Variants in RFX3 observed in about 807,000 individuals in gnomAD.
RFX3 encodes transcription factor RFX3.
A neutral mutation model predicts 98.6 loss-of-function variants in RFX3; 14 were observed. That is an observed-to-expected ratio of 0.14 (90% CI 0.09 to 0.22). The LOEUF (loss-of-function observed/expected upper bound fraction) is 0.22. Ranked by LOEUF, RFX3 falls within the 10% of genes least tolerant of loss-of-function variation. RFX3 has a pLI of 1.00. For synonymous variants in RFX3, 383 were observed against 328.4 expected, an observed-to-expected ratio of 1.17 and a Z score of -1.80; for missense variants, 639 against 926.9, an observed-to-expected ratio of 0.69 and a Z score of 4.03.
At chr9:3,243,490 A>G (rs974648637) in intron 15 of RFX3, among the ~76,000 whole-genome samples, 2 of 152,202 alleles carry the variant, frequency 1.3e-5, no homozygotes, top group African/African-American at 2.4e-5. Context: ...CAAAACACCA[A>G]CAACATTTAT....
At chr9:3,350,822 A>G (rs141577847) in intron 2 of RFX3, among the ~76,000 whole-genome samples, 145 of 152,270 alleles carry the variant, frequency 9.5e-4, no homozygotes, top group South Asian at 6.2e-3. Flanking sequence ...GCGTATGACC[A>G]AGTGAAAGAA....
intron 9 of RFX3, among the ~76,000 whole-genome samples, chr9:3,272,507 T>G (rs1233589057): frequency 6.6e-6 from 1 of 152,160 alleles, no homozygotes; most frequent in Admixed American, 6.6e-5. Context: ...GGAGACAAAT[T>G]AATTTAGACA....
chr9:3,497,441 C>CA (rs1203910038), intron 1 of RFX3, among the ~76,000 whole-genome samples: 1 of 151,890 alleles, frequency 6.6e-6, no homozygotes, highest in Non-Finnish European at 1.5e-5. Context: ...GTGAAACTTC[C>CA]AAAAATTAGA....
At chr9:3,419,675 C>G (rs541818941) in intron 1 of RFX3, among the ~76,000 whole-genome samples, 3 of 152,238 alleles carry the variant, frequency 2.0e-5, no homozygotes, top group Admixed American at 2.0e-4. Context: ...TTCCAGGATC[C>G]CCTGAGGATA....
At chr9:3,249,332 C>T (rs1821085978) in intron 14 of RFX3, among the ~76,000 whole-genome samples, 1 of 152,130 alleles carries the variant, frequency 6.6e-6, no homozygotes, top group South Asian at 2.1e-4. Context: ...CCATCTGAAA[C>T]ACAGAAGCCT....
At chr9:3,229,167 C>T (rs1327554118) in intron 15 of RFX3, among the ~76,000 whole-genome samples, 1 of 152,134 alleles carries the variant, frequency 6.6e-6, no homozygotes, top group Non-Finnish European at 1.5e-5. Context: ...TATTTCAACT[C>T]AGCAATGAAG....
intron 13 of RFX3, among the ~76,000 whole-genome samples, chr9:3,261,135 A>C (rs1007097402): frequency 1.3e-5 from 2 of 152,062 alleles, no homozygotes; most frequent in Admixed American, 6.6e-5. Flanking sequence ...TAACAGCTTT[A>C]CTGAAATGTA....
At chr9:3,371,696 A>C (rs150332633) in intron 2 of RFX3, among the ~76,000 whole-genome samples, 11 of 152,306 alleles carry the variant, frequency 7.2e-5, no homozygotes, top group African/African-American at 2.2e-4. Context: ...ATAAATTACT[A>C]AATGATTGAG....
At chr9:3,365,484 A>C (rs987368192) in intron 2 of RFX3, among the ~76,000 whole-genome samples, 4 of 152,178 alleles carry the variant, frequency 2.6e-5, no homozygotes, top group African/African-American at 9.7e-5. Context: ...TGCATGAATT[A>C]AAACAAAAAT....
At chr9:3,307,210 T>G (rs777054378) in intron 4 of RFX3, among the ~76,000 whole-genome samples, 3 of 152,072 alleles carry the variant, frequency 2.0e-5, no homozygotes, top group Non-Finnish European at 4.4e-5. Context: ...CCCAGTCTCG[T>G]GTATGTCTTT....
intron 2 of RFX3, among the ~76,000 whole-genome samples, chr9:3,356,154 G>GAGGAAGGAAGGA (rs1835725058): frequency 2.1e-5 from 2 of 94,058 alleles, no homozygotes; most frequent in African/African-American, 1.4e-4. Flanking sequence ...TCTAGAATAA[G>GAGGAAGGAAGGA]TGGAAGGAAG....
chr9:3,428,932 A>G (rs777001724), intron 1 of RFX3, among the ~76,000 whole-genome samples: 1 of 152,274 alleles, frequency 6.6e-6, no homozygotes, highest in South Asian at 2.1e-4. Context: ...CATTAGGCAC[A>G]GTGCCAAGGG....
intron 1 of RFX3, among the ~76,000 whole-genome samples, chr9:3,487,875 C>T (rs2133454650): frequency 6.6e-6 from 1 of 152,220 alleles, no homozygotes; most frequent in African/African-American, 2.4e-5. Context: ...CTTGACCTTT[C>T]TATCTCAAGT....
chr9:3,248,104 T>C lies in RFX3; in HGVS notation c.1896A>G (p.Glu632=). The C allele has an allele frequency of 6.2e-7, 1 of 1,613,996 alleles. No homozygotes were observed. The highest frequency in any genetic ancestry group is 1.1e-5 in the South Asian group (1 of 91,084). ...GATGTTCTACTAAGTAAAACATATA[T>C]TCGTCGTAGAGTAGACGGATCAGGT... ...SFHLIRLLYD[E]YMFYLVEHRV... Residue 632 remains glutamate (E), a synonymous_variant, in exon 15 of 17, where the codon GAA becomes GAG. Coordinates refer to ENST00000617270, the MANE Select transcript of RFX3 (RefSeq NM_001282116.2).
intron 1 of RFX3, among the ~76,000 whole-genome samples, chr9:3,410,729 T>G (rs907171535): frequency 6.6e-6 from 1 of 152,330 alleles, no homozygotes; most frequent in African/African-American, 2.4e-5. Context: ...GTACTATTTA[T>G]CTACGCTAAA....
intron 4 of RFX3, among the ~76,000 whole-genome samples, chr9:3,302,222 G>A (rs146272409): frequency 6.6e-5 from 10 of 151,860 alleles, no homozygotes; most frequent in Admixed American, 5.9e-4. Flanking sequence ...TATATTTTAC[G>A]ATGTGGTGTT....
chr9:3,229,832 A>T (rs1818250493), intron 15 of RFX3, among the ~76,000 whole-genome samples: 2 of 152,340 alleles, frequency 1.3e-5, no homozygotes, highest in South Asian at 2.1e-4. Context: ...CCATGATAGG[A>T]GTATTTTTTT....
At position 3,292,091 on chromosome 9, in the gene RFX3, A is replaced by C. The variant is rs900848990; in HGVS notation, c.731+986T>G. ...AAAAAAAAAAAAAAAAAAAAAAAAA[A>C]AAAAAAAAACTCTTTACGAAAATAC... On this transcript the variant is annotated intron_variant, in intron 6 of 16. Coordinates refer to ENST00000617270, the MANE Select transcript of RFX3 (RefSeq NM_001282116.2). 3.0e-4 allele frequency among the ~76,000 whole-genome samples: 44 copies of C among 147,926 alleles called. 1 individual carries two copies. The highest frequency in any genetic ancestry group is 5.7e-4 in the African/African-American group (23 of 40,394).
intron 1 of RFX3, among the ~76,000 whole-genome samples, chr9:3,494,592 T>C (rs992271606): frequency 3.3e-5 from 5 of 152,172 alleles, no homozygotes; most frequent in Non-Finnish European, 7.4e-5. Context: ...TATCTATCTA[T>C]ACCCATCTGA....
Sources: allele counts gnomAD v4.1 joint callset (sites outside exome capture counted in the v4.1 genomes callset), GRCh38; gene constraint gnomAD v4.1.1; transcripts MANE v1.5; gene names NCBI Gene and HGNC (gene_info 2026-07-23, HGNC 2026-07-21).